EVI2A: variants seen among roughly 807,000 people sequenced by gnomAD.
EVI2A encodes the protein ecotropic viral integration site 2A, also known as protein EVI2A.
In EVI2A, 11 loss-of-function variants were observed where a neutral mutation model predicts 13.0. The observed-to-expected ratio is 0.85, with a 90% CI of 0.53 to 1.40. EVI2A has a LOEUF of 1.40. Among genes scored for constraint, EVI2A ranks in the 40% most tolerant of loss-of-function variants. The probability of loss-of-function intolerance (pLI) is 0.00; values close to 1 mark genes in which losing one functional copy is unlikely to be tolerated. For synonymous variants in EVI2A, 89 were observed against 98.0 expected (o/e 0.91, Z 0.54); for missense variants, 267 against 279.5 (o/e 0.96, Z 0.32).
chr17:31,321,300 C>T (rs960486857), intron 1 of EVI2A, among the ~76,000 whole-genome samples, 195 bp downstream of exon 1: 4 of 152,076 alleles, frequency 2.6e-5, no homozygotes, highest in Non-Finnish European at 5.9e-5. Context: ...TTTAAAACTC[C>T]ATGGCGATGG....
chr17:31,319,026 G>T lies in EVI2A; in HGVS notation c.-10-3C>A. ...TGTCCGTGGGCATGCTTGGCAATCT[G>T]TTGGGATAGCAATATAATTTGTTAG... On this transcript the variant is annotated splice_region_variant and splice_polypyrimidine_tract_variant and intron_variant, in intron 1 of 1. Coordinates refer to ENST00000462804, the MANE Select transcript of EVI2A (RefSeq NM_014210.4). 2.5e-6 allele frequency: 4 copies of T among 1,581,266 alleles called. No homozygotes were observed. Among genetic ancestry groups the T allele is most frequent in the Non-Finnish European group, 3.4e-6 (4 of 1,169,688 alleles).
Position 31,318,474 on chromosome 17 carries a change from A to G in EVI2A, c.540T>C (p.Asn180=), listed in dbSNP as rs535998011. 1 of 1,614,028 alleles carries G rather than the reference A, an allele frequency of 6.2e-7. No homozygotes were observed. The highest frequency in any genetic ancestry group is 1.1e-5 in the South Asian group (1 of 91,086). Residue 180 remains asparagine (N), a synonymous_variant, in exon 2 of 2, where the codon AAT becomes AAC. Coordinates refer to ENST00000462804, the MANE Select transcript of EVI2A (RefSeq NM_014210.4). ...KQVGKRQPRS[N]GDFLASGLWP... ...ATAGACCGCTTGCCAGAAAATCGCC[A>G]TTGCTTCTAGGCTGACGCTTGCCTA...
chr17:31,318,200 A>G lies in EVI2A; in HGVS notation c.*103T>C, dbSNP rs2069074454. ...TTGATTCTAAATTGCAAGGTCTACC[A>G]TGTCAAATTTTAGATAATCAGAACA... On this transcript the variant is annotated 3_prime_UTR_variant, in exon 2 of 2. Coordinates refer to ENST00000462804, the MANE Select transcript of EVI2A (RefSeq NM_014210.4). 1.4e-6 allele frequency: 2 copies of G among 1,430,986 alleles called. No individual in the cohort carries two copies. The highest frequency in any genetic ancestry group is 2.5e-4 in the Middle Eastern group (1 of 3,928). The allele number at this position is 1,430,986 out of a possible 1,614,324, so 88.6% of individuals were successfully genotyped here. A position where few individuals can be genotyped will look rare whatever the true frequency, so the allele number is the denominator to read the frequency against.
Position 31,319,014 on chromosome 17 carries a change from G to A in EVI2A, c.-1C>T, listed in dbSNP as rs1129506. The A allele has an allele frequency of 0.62, 984,265 of 1,589,844 alleles. 307,676 individuals carry two copies. The highest frequency in any genetic ancestry group is 0.72 in the African/African-American group (53,195 of 73,892). ...CTGTGTGTTCCATGTCCGTGGGCAT[G>A]CTTGGCAATCTGTTGGGATAGCAAT... On this transcript the variant is annotated 5_prime_UTR_variant, in exon 2 of 2. Transcript: ENST00000462804.
intron 1 of EVI2A, among the ~76,000 whole-genome samples, chr17:31,319,322 A>T (rs2069116907): frequency 6.6e-6 from 1 of 151,902 alleles, no homozygotes. Flanking sequence ...AGCGTGCTAG[A>T]CTTCTGCTTT....
Position 31,317,368 on chromosome 17 carries a change from A to AACACACACACACACAC in EVI2A, c.*919_*934dup, listed in dbSNP as rs3138611. Among the ~76,000 whole-genome samples, 4 of 144,562 alleles carry AACACACACACACACAC rather than the reference A, an allele frequency of 2.8e-5. No homozygotes were observed. Among genetic ancestry groups the AACACACACACACACAC allele is most frequent in the East Asian group, 2.0e-4 (1 of 4,926 alleles). 94.8% of individuals were successfully genotyped at this position (144,562 alleles called of 152,430 possible). ...TGAAGTATGCAGTTTTCCAGATTTGAACACACACACACACACACACACACA... is the reference window on the plus strand; with the variant it reads ...TGAAGTATGCAGTTTTCCAGATTTGAACACACACACACACACACACACACACACACACACACACACA... On this transcript the variant is annotated 3_prime_UTR_variant, in exon 2 of 2. Coordinates refer to ENST00000462804, the MANE Select transcript of EVI2A (RefSeq NM_014210.4).
chr17:31,317,472 TGTTA>T lies in EVI2A; in HGVS notation c.*827_*830del, dbSNP rs1224378579. ...AAATTAATCAACCTTTGGTACTTGT[TGTTA>T]ATGTTCCAGTAAGTAGTATTTATAG... is the stretch of plus-strand genomic sequence containing the variant. On this transcript the variant is annotated 3_prime_UTR_variant, in exon 2 of 2. Coordinates refer to ENST00000462804, the MANE Select transcript of EVI2A (RefSeq NM_014210.4). 1 of 152,060 alleles carries T rather than the reference TGTTA, an allele frequency of 6.6e-6. No homozygotes were observed. Among genetic ancestry groups the T allele is most frequent in the African/African-American group, 2.4e-5 (1 of 41,410 alleles). The allele number at this position is 152,060 out of a possible 1,614,324, so 9.4% of individuals were successfully genotyped here. A position where few individuals can be genotyped will look rare whatever the true frequency, so the allele number is the denominator to read the frequency against.
Position 31,318,530 on chromosome 17 carries a change from T to A in EVI2A, c.484A>T (p.Lys162Ter). The A allele has an allele frequency of 6.2e-7, 1 of 1,614,104 alleles. No individual in the cohort carries two copies. The highest frequency in any genetic ancestry group is 8.5e-7 in the Non-Finnish European group (1 of 1,179,990). ...LFLSTVVLAN[K>*]VSSLRRSKQV... ...TTTGATCGTCTGAGAGAAGAGACTT[T>A]GTTTGCCAAAACCACAGTTGATAGA... Residue 162 changes from lysine (K) to a stop codon, truncating the protein, a stop_gained, in exon 2 of 2, where the codon AAA becomes TAA. Coordinates refer to ENST00000462804, the MANE Select transcript of EVI2A (RefSeq NM_014210.4). LOFTEE classifies it high-confidence loss of function.
Position 31,318,075 on chromosome 17 carries a change from C to T in EVI2A, c.*228G>A, listed in dbSNP as rs572780543. The T allele has an allele frequency of 1.0e-3, 480 of 478,316 alleles. 3 individuals carry two copies. The highest frequency in any genetic ancestry group is 2.2e-3 in the South Asian group (55 of 24,638). The allele number at this position is 478,316 out of a possible 1,614,324, so 29.6% of individuals were successfully genotyped here. ...TTATCCTTAAAATTTTCCTCAAATG[C>T]TTAGTTATTTTATTATTTGCTTTTT... On this transcript the variant is annotated 3_prime_UTR_variant, in exon 2 of 2. Transcript: ENST00000462804.
At chr17:31,319,127 C>T in intron 1 of EVI2A, 104 bp from the exon 2 acceptor site, 6 of 1,197,156 alleles carry the variant, frequency 5.0e-6, no homozygotes, top group African/African-American at 1.5e-5. Context: ...AAGTAAACTA[C>T]AAGCTTATGC....
At chr17:31,320,400 T>G in intron 1 of EVI2A, 1 of 1,610,282 alleles carries the variant, frequency 6.2e-7, no homozygotes, top group Non-Finnish European at 8.5e-7. Flanking sequence ...GGCCTGAAAG[T>G]CTTTGTTTCC....
At chr17:31,320,322 G>A in intron 1 of EVI2A, 1 of 1,424,702 alleles carries the variant, frequency 7.0e-7, no homozygotes, top group South Asian at 1.4e-5. Flanking sequence ...CTTCTCAAAT[G>A]TACTTAGGAG....
rs764607493 is a variant in EVI2A at position 31,318,282 on chromosome 17, G to T, written c.*21C>A. 1 of 1,583,728 alleles carries T rather than the reference G, an allele frequency of 6.3e-7. No individual in the cohort carries two copies. The highest frequency in any genetic ancestry group is 8.6e-7 in the Non-Finnish European group (1 of 1,168,186). ...TTTTTACTCCATAAGCCTTCTCATT[G>T]CTACTTTGCATTTTTCTTCACTAAC... On this transcript the variant is annotated 3_prime_UTR_variant, in exon 2 of 2. Transcript: ENST00000462804.
intron 1 of EVI2A, among the ~76,000 whole-genome samples, chr17:31,320,100 C>T (rs73275679): frequency 0.12 from 18,308 of 152,016 alleles, 3,023 homozygotes; most frequent in African/African-American, 0.37. Flanking sequence ...TAGAATTTAA[C>T]AGTTCCATGT....
chr17:31,320,122 A>G (rs370174304), intron 1 of EVI2A, among the ~76,000 whole-genome samples: 1 of 152,168 alleles, frequency 6.6e-6, no homozygotes, highest in African/African-American at 2.4e-5. Flanking sequence ...CTGCTAACCC[A>G]GCAGGAAAGA....
At chr17:31,319,875 T>TA (rs890962383) in intron 1 of EVI2A, among the ~76,000 whole-genome samples, 15 of 150,942 alleles carry the variant, frequency 9.9e-5, no homozygotes, top group East Asian at 3.9e-4. Context: ...GACATAATTG[T>TA]AAAAAAAAAT....
chr17:31,319,776 A>G lies in EVI2A; in HGVS notation c.-10-753T>C, dbSNP rs111450837. ...TGAAGAAAAAAAAAAAAAAACAGCA[A>G]ATTTCCTCTGAGTAGACTTAAAAGT... is the stretch of plus-strand genomic sequence containing the variant. On this transcript the variant is annotated intron_variant, in intron 1 of 1. Transcript: ENST00000462804. Among the ~76,000 whole-genome samples the G allele has an allele frequency of 8.2e-3, 1,247 of 151,758 alleles. 25 individuals are homozygous for G. Among genetic ancestry groups the G allele is most frequent in the African/African-American group, 0.029 (1,191 of 41,384 alleles).
At chr17:31,320,343 TAAA>T (rs74877638) in intron 1 of EVI2A, 431 of 1,171,822 alleles carry the variant, frequency 3.7e-4, no homozygotes, top group South Asian at 1.3e-3. Context: ...TCCTTTTATT[TAAA>T]AAAAAAAAAA....
chr17:31,319,007 T>A lies in EVI2A; in HGVS notation c.7A>T (p.Thr3Ser), dbSNP rs762858099. The A allele has an allele frequency of 6.3e-7, 1 of 1,598,864 alleles. No individual in the cohort carries two copies. Among genetic ancestry groups the A allele is most frequent in the Admixed American group, 1.7e-5 (1 of 57,290 alleles). Residue 3 changes from threonine to serine, a missense_variant, in exon 2 of 2, where the codon ACG becomes TCG. Coordinates refer to ENST00000462804, the MANE Select transcript of EVI2A (RefSeq NM_014210.4). Reference protein sequence around the residue: MPTDMEHTGHYLH... With the variant: MPSDMEHTGHYLH... ...TAATGTCCTGTGTGTTCCATGTCCG[T>A]GGGCATGCTTGGCAATCTGTTGGGA... is the stretch of plus-strand genomic sequence containing the variant.
Sources: gnomAD v4.1 joint callset for allele counts (sites outside exome capture counted in the v4.1 genomes callset) on GRCh38, gnomAD v4.1.1 for gene constraint, MANE v1.5 for transcripts, NCBI Gene and HGNC (gene_info 2026-07-23, HGNC 2026-07-21) for gene names.